The following GALNT3 variants were observed in gnomAD, a reference collection of about 807,000 sequenced individuals.
GALNT3 encodes polypeptide N-acetylgalactosaminyltransferase 3.
GALNT3 carries 51 observed loss-of-function variants against 69.8 expected under a neutral mutation model. The observed-to-expected ratio is 0.73, with a 90% CI of 0.58 to 0.92. The LOEUF (loss-of-function observed/expected upper bound fraction) is 0.92, where lower values mean the gene tolerates loss of function less well. Among genes scored for constraint, GALNT3 ranks in the 40% least tolerant of loss-of-function variants. GALNT3 has a pLI of 0.00. For missense variants in GALNT3, 711 were observed against 760.0 expected, an observed-to-expected ratio of 0.94 and a Z score of 0.76; for synonymous variants, 265 against 248.5, an observed-to-expected ratio of 1.07 and a Z score of -0.63.
At chr2:165,766,873 T>TA (rs1688652680) in intron 2 of GALNT3, among the ~76,000 whole-genome samples, 1 of 152,102 alleles carries the variant, frequency 6.6e-6, no homozygotes, top group African/African-American at 2.4e-5. Flanking sequence ...TTGTAGTGAT[T>TA]AAAAAAAGGA....
Position 165,764,878 on chromosome 2 carries a change from T to C in GALNT3, c.688+6A>G, listed in dbSNP as rs551965043. 2 of 1,613,906 alleles carry C rather than the reference T, an allele frequency of 1.2e-6. No individual in the cohort carries two copies. Among genetic ancestry groups the C allele is most frequent in the South Asian group, 2.2e-5 (2 of 91,068 alleles). On this transcript the variant is annotated splice_donor_region_variant and intron_variant, in intron 3 of 10. Coordinates refer to ENST00000392701, the MANE Select transcript of GALNT3 (RefSeq NM_004482.4). Reference sequence around the variant, plus strand: ...GAAACAATCTAATTTGCATGTGCTTTCTTACCATCTACACTAGCATCATCC... The same window carrying C: ...GAAACAATCTAATTTGCATGTGCTTCCTTACCATCTACACTAGCATCATCC...
chr2:165,759,282 A>AT, intron 5 of GALNT3, 54 bp downstream of exon 5: 1 of 1,373,818 alleles, frequency 7.3e-7, no homozygotes. Context: ...GTGTGTACAT[A>AT]TTCAATGTAT....
chr2:165,784,264 T>C (rs1451922488), intron 1 of GALNT3, among the ~76,000 whole-genome samples: 1 of 152,134 alleles, frequency 6.6e-6, no homozygotes, highest in Non-Finnish European at 1.5e-5. Flanking sequence ...GAGGCCCTGA[T>C]GAGTTTTCAG....
At chr2:165,776,797 T>C (rs1444000479) in intron 1 of GALNT3, among the ~76,000 whole-genome samples, 1 of 152,172 alleles carries the variant, frequency 6.6e-6, no homozygotes, top group Admixed American at 6.5e-5. Flanking sequence ...AAAAATATGC[T>C]TCCATCTGAA....
chr2:165,748,098 AT>A lies in GALNT3; in HGVS notation c.*682del, dbSNP rs1267068580. ...AAAGTGCTTTGGGAAAACACACAGT[AT>A]CATTACTTAAGAAAAGTCATTTAAG... On this transcript the variant is annotated 3_prime_UTR_variant, in exon 11 of 11. Transcript: ENST00000392701. 5.5e-6 allele frequency: 1 copy of A among 183,308 alleles called. No homozygotes were observed. The highest frequency in any genetic ancestry group is 1.2e-5 in the Non-Finnish European group (1 of 86,030). 11.4% of individuals were successfully genotyped at this position (183,308 alleles called of 1,614,324 possible). A position where few individuals can be genotyped will look rare whatever the true frequency, so the allele number is the denominator to read the frequency against.
intron 1 of GALNT3, among the ~76,000 whole-genome samples, chr2:165,786,870 T>G (rs1432846815): frequency 3.3e-5 from 5 of 152,186 alleles, no homozygotes; most frequent in African/African-American, 1.2e-4. Flanking sequence ...ATAAGTAAAC[T>G]CATGTAAATT....
intron 1 of GALNT3, among the ~76,000 whole-genome samples, chr2:165,790,677 A>G (rs1351048561): frequency 6.6e-6 from 1 of 152,112 alleles, no homozygotes; most frequent in Non-Finnish European, 1.5e-5. Flanking sequence ...GCAGGTTAAA[A>G]TTGAAAGTGT....
At chr2:165,789,860 A>G (rs1203854537) in intron 1 of GALNT3, among the ~76,000 whole-genome samples, 14 of 152,192 alleles carry the variant, frequency 9.2e-5, no homozygotes. Context: ...TTGAATACAC[A>G]ATCACAATAG....
intron 4 of GALNT3, 143 bp from the exon 5 acceptor site, chr2:165,759,713 C>T (rs1046843424): frequency 3.0e-6 from 2 of 675,828 alleles, no homozygotes; most frequent in African/African-American, 3.6e-5. Flanking sequence ...TTTCTTTCTT[C>T]CTCAGATTTA....
At position 165,757,245 on chromosome 2, in the gene GALNT3, T is replaced by C. The variant is rs150937941; in HGVS notation, c.1194A>G (p.Val398=). The change falls in exon 7 of 11, where the codon GTA becomes GTG. Residue 398 remains valine, a splice_region_variant and synonymous_variant. Coordinates refer to ENST00000392701, the MANE Select transcript of GALNT3 (RefSeq NM_004482.4). ...GGENIEMSFR[V]WQCGGQLEIM... ...TCTCCAACTGCCCACCACATTGCCA[T>C]ACCTGATAATTAATGATATTTGTTT... is the stretch of plus-strand genomic sequence containing the variant. 41 of 1,613,130 alleles carry C rather than the reference T, an allele frequency of 2.5e-5. No homozygotes were observed. The African/African-American group carries it at 4.8e-4, about 19-fold the overall frequency.
At chr2:165,770,857 G>T (rs575445387) in intron 1 of GALNT3, 49 bp from the exon 2 acceptor site, 6 of 707,408 alleles carry the variant, frequency 8.5e-6, no homozygotes, top group Admixed American at 6.3e-5. Flanking sequence ...AGTCCTACAG[G>T]CATGGCTCAA....
At chr2:165,791,325 C>A (rs982090587) in intron 1 of GALNT3, among the ~76,000 whole-genome samples, 1 of 151,716 alleles carries the variant, frequency 6.6e-6, no homozygotes, top group South Asian at 2.1e-4. Flanking sequence ...GTAGAAAAAT[C>A]AGCCTTTAAA....
intron 1 of GALNT3, 116 bp from the exon 2 acceptor site, chr2:165,770,924 G>A (rs1166095413): frequency 1.2e-5 from 5 of 418,708 alleles, no homozygotes; most frequent in African/African-American, 2.0e-5. Context: ...TATGGTTAAT[G>A]AGAATACAAA....
chr2:165,750,497 C>G (rs1221105475), intron 9 of GALNT3, among the ~76,000 whole-genome samples: 1 of 152,178 alleles, frequency 6.6e-6, no homozygotes, highest in Admixed American at 6.6e-5. Context: ...CTTAGCTGCA[C>G]TATTCCTCTC....
chr2:165,783,714 T>C (rs191860446), intron 1 of GALNT3, among the ~76,000 whole-genome samples: 26 of 152,296 alleles, frequency 1.7e-4, no homozygotes, highest in African/African-American at 6.3e-4. Context: ...AAACAGGTAG[T>C]GGATCAAATT....
At chr2:165,757,846 T>C (rs536657243) in intron 6 of GALNT3, among the ~76,000 whole-genome samples, 1 of 152,178 alleles carries the variant, frequency 6.6e-6, no homozygotes, top group Admixed American at 6.6e-5. Context: ...CTAAATAAAA[T>C]GGCAAATCAT....
chr2:165,762,901 T>C lies in GALNT3; in HGVS notation c.689-847A>G, dbSNP rs536050298. Among the ~76,000 whole-genome samples, 16 of 152,082 alleles carry C rather than the reference T, an allele frequency of 1.1e-4. No individual in the cohort carries two copies. The South Asian group carries it at 3.3e-3, about 32-fold the overall frequency. ...GCCTCTGGGCTGCAAGCAGTTTTCC[T>C]CAGCTTCCCAAGTAGCTGGGACCAC... On this transcript the variant is annotated intron_variant, in intron 3 of 10. Coordinates refer to ENST00000392701, the MANE Select transcript of GALNT3 (RefSeq NM_004482.4).
intron 3 of GALNT3, among the ~76,000 whole-genome samples, chr2:165,763,291 A>G (rs1170813635): frequency 6.6e-6 from 1 of 152,204 alleles, no homozygotes; most frequent in Non-Finnish European, 1.5e-5. Flanking sequence ...TTTAGAAGGA[A>G]ATGCAGATGA....
intron 7 of GALNT3, 96 bp downstream of exon 7, chr2:165,756,951 T>G: frequency 1.0e-6 from 1 of 954,774 alleles, no homozygotes; most frequent in Non-Finnish European, 1.6e-6. Flanking sequence ...TACTTTCAAA[T>G]TTTTTGATGT....
Sources: allele counts gnomAD v4.1 joint callset (sites outside exome capture counted in the v4.1 genomes callset), GRCh38; gene constraint gnomAD v4.1.1; transcripts MANE v1.5; gene names NCBI Gene and HGNC (gene_info 2026-07-23, HGNC 2026-07-21).